Variants in WDR33 observed in about 807,000 individuals in gnomAD.
The protein encoded by WDR33 is pre-mRNA 3' end processing protein WDR33.
WDR33 carries 47 observed loss-of-function variants against 164.9 expected under a neutral mutation model. That is an observed-to-expected ratio of 0.29 (90% confidence interval 0.23 to 0.36). The LOEUF (loss-of-function observed/expected upper bound fraction) is 0.36, where lower values mean the gene tolerates loss of function less well. Ranked by LOEUF, WDR33 falls within the 10% of genes least tolerant of loss-of-function variation. The pLI is 1.00. For synonymous variants in WDR33, 505 were observed against 589.0 expected, an observed-to-expected ratio of 0.86 and a Z score of 2.06; for missense variants, 1,137 against 1,754.1, an observed-to-expected ratio of 0.65 and a Z score of 6.28.
chr2:127,708,798 G>A lies in WDR33; in HGVS notation c.3660C>T (p.Leu1220=), dbSNP rs763535178. ...GTAGGGATGCCATGTCCATGCCTTGGAGAGAAGAGGAGCGTTCTCTGCTGG... is the reference window on the plus strand; with the variant it reads ...GTAGGGATGCCATGTCCATGCCTTGAAGAGAAGAGGAGCGTTCTCTGCTGG... ...SPASRERSSS[L]QGMDMASLPP... The change falls in exon 21 of 22, where the codon CTC becomes CTT. Residue 1220 remains leucine, a synonymous_variant. Transcript: ENST00000322313. This position sits in a 1 kb window ranked among gnomAD's most constrained non-coding sequence, Gnocchi z 6.7. The A allele has an allele frequency of 1.9e-6, 3 of 1,613,752 alleles. No homozygotes were observed. The highest frequency in any genetic ancestry group is 2.2e-5 in the South Asian group (2 of 90,972).
At chr2:127,775,017 G>T (rs1222571180) in intron 1 of WDR33, among the ~76,000 whole-genome samples, 1 of 152,118 alleles carries the variant, frequency 6.6e-6, no homozygotes, top group Non-Finnish European at 1.5e-5. Context: ...AATTAAAATA[G>T]AATTTCCTTT....
At position 127,763,353 on chromosome 2, in the gene WDR33, G is replaced by A; in HGVS notation, c.627-194C>T. Reference sequence around the variant, plus strand: ...ATCAAAAGAAGACTTCAACAGAGCAGTTGTTTGAGTTTTCAATCATCAGTA... The same window carrying A: ...ATCAAAAGAAGACTTCAACAGAGCAATTGTTTGAGTTTTCAATCATCAGTA... On this transcript the variant is annotated intron_variant, in intron 6 of 21. Coordinates refer to ENST00000322313, the MANE Select transcript of WDR33 (RefSeq NM_018383.5). The surrounding 1 kb of genome is among the most constrained non-coding windows in gnomAD (Gnocchi z 4.5). The A allele has an allele frequency of 1.4e-6, 2 of 1,401,426 alleles. No homozygotes were observed. Among genetic ancestry groups the A allele is most frequent in the Non-Finnish European group, 1.9e-6 (2 of 1,078,430 alleles). 86.8% of individuals were successfully genotyped at this position (1,401,426 alleles called of 1,614,324 possible).
chr2:127,799,156 C>T (rs1273398752), intron 1 of WDR33, among the ~76,000 whole-genome samples: 2 of 152,052 alleles, frequency 1.3e-5, no homozygotes, highest in Non-Finnish European at 2.9e-5. Context: ...GCATTAAATA[C>T]AGAGAATACA....
chr2:127,776,445 T>C (rs1176343933), intron 1 of WDR33, among the ~76,000 whole-genome samples: 1 of 152,136 alleles, frequency 6.6e-6, no homozygotes, highest in Admixed American at 6.6e-5. Context: ...GACAGAAACA[T>C]TGAGCAATCA....
intron 1 of WDR33, among the ~76,000 whole-genome samples, chr2:127,776,112 A>G (rs1269591005): frequency 2.0e-5 from 3 of 152,140 alleles, no homozygotes; most frequent in Non-Finnish European, 4.4e-5. Context: ...TCACAATGTG[A>G]TTCTATTTAG....
At chr2:127,753,855 T>C (rs1372771161) in intron 7 of WDR33, among the ~76,000 whole-genome samples, 2 of 151,918 alleles carry the variant, frequency 1.3e-5, no homozygotes, top group African/African-American at 4.8e-5. Flanking sequence ...AATCACAAAA[T>C]GTAAAGAACA....
intron 7 of WDR33, among the ~76,000 whole-genome samples, chr2:127,751,485 A>G (rs1417965795): frequency 6.7e-6 from 1 of 149,814 alleles, no homozygotes; most frequent in Non-Finnish European, 1.5e-5. Flanking sequence ...CAGGAGTTTG[A>G]GGTTATGGTG....
chr2:127,702,317 G>T lies in WDR33; in HGVS notation c.*4006C>A. On this transcript the variant is annotated 3_prime_UTR_variant, in exon 22 of 22. Transcript: ENST00000322313. The stretch of plus-strand genomic sequence containing the variant: ...CTAACAGCCTGCGAGTCTAATCCGG[G>T]AGCGGCTGCTGCCAGCGGAGGCGAC... 1.1e-6 allele frequency: 1 copy of T among 921,756 alleles called. No homozygotes were observed. Among genetic ancestry groups the T allele is most frequent in the African/African-American group, 1.8e-5 (1 of 56,650 alleles). 57.1% of individuals were successfully genotyped at this position (921,756 alleles called of 1,614,324 possible).
chr2:127,776,862 G>T (rs1040877941), intron 1 of WDR33, among the ~76,000 whole-genome samples: 6 of 152,192 alleles, frequency 3.9e-5, no homozygotes, highest in Non-Finnish European at 7.3e-5. Flanking sequence ...ATACTCCAAA[G>T]ATCTAGATTT....
intron 1 of WDR33, among the ~76,000 whole-genome samples, chr2:127,775,265 T>C (rs1355856059): frequency 1.3e-5 from 2 of 152,224 alleles, no homozygotes; most frequent in African/African-American, 4.8e-5. Flanking sequence ...CCCAGCTCAC[T>C]GTAACCTCCG....
chr2:127,774,193 A>G (rs1164721792), intron 1 of WDR33, among the ~76,000 whole-genome samples: 2 of 151,588 alleles, frequency 1.3e-5, no homozygotes, highest in East Asian at 3.9e-4. Context: ...GTGGGATTAC[A>G]GGCATCTGCC....
rs1685872935 is a variant in WDR33, at chr2:127,701,390, C to A, written c.*4933G>T. On this transcript the variant is annotated 3_prime_UTR_variant, in exon 22 of 22. Coordinates refer to ENST00000322313, the MANE Select transcript of WDR33 (RefSeq NM_018383.5). Reference sequence around the variant, plus strand: ...ACACCACAAAAGTCCGCAGAGCAGGCACCGCGGCACTTCCGCGAGCGCCGC... The same window carrying A: ...ACACCACAAAAGTCCGCAGAGCAGGAACCGCGGCACTTCCGCGAGCGCCGC... The A allele has an allele frequency of 1.2e-6, 1 of 823,328 alleles. No individual in the cohort carries two copies. The highest frequency in any genetic ancestry group is 1.6e-6 in the Non-Finnish European group (1 of 618,872). The allele number at this position is 823,328 out of a possible 1,614,324, so 51.0% of individuals were successfully genotyped here. A position where few individuals can be genotyped will look rare whatever the true frequency, so the allele number is the denominator to read the frequency against.
At position 127,713,052 on chromosome 2, in the gene WDR33, T is replaced by TG. The variant is rs1356983817; in HGVS notation, c.3308+530dup. On this transcript the variant is annotated intron_variant, in intron 18 of 21. Coordinates refer to ENST00000322313, the MANE Select transcript of WDR33 (RefSeq NM_018383.5). The surrounding 1 kb of genome is among the most constrained non-coding windows in gnomAD (Gnocchi z 6.2). ...GATTACAGGCGTGAGCCACTGGTCC[T>TG]GGGCTAATTCCTGTTTCTTTCTCCA... Among the ~76,000 whole-genome samples, 14 of 152,226 alleles carry TG rather than the reference T, an allele frequency of 9.2e-5. No individual in the cohort carries two copies. Among genetic ancestry groups the TG allele is most frequent in the Non-Finnish European group, 1.6e-4 (11 of 68,040 alleles).
rs1686066773 is a variant in WDR33, at chr2:127,708,338, C to T, written c.3781+339G>A. ...CCCAGGAGAGGACAACTCTTCCCCT[C>T]CCACTGAGAGCCCTTGAGGGTTCCA... On this transcript the variant is annotated intron_variant, in intron 21 of 21. Coordinates refer to ENST00000322313, the MANE Select transcript of WDR33 (RefSeq NM_018383.5). The surrounding 1 kb of genome is among the most constrained non-coding windows in gnomAD (Gnocchi z 6.7). Among the ~76,000 whole-genome samples the T allele has an allele frequency of 1.3e-5, 2 of 152,242 alleles. No individual in the cohort carries two copies. Among genetic ancestry groups the T allele is most frequent in the African/African-American group, 4.8e-5 (2 of 41,470 alleles).
Position 127,758,362 on chromosome 2 carries a change from G to A in WDR33, c.724+4700C>T, listed in dbSNP as rs551870225. Among the ~76,000 whole-genome samples, 13 of 152,252 alleles carry A rather than the reference G, an allele frequency of 8.5e-5. No homozygotes were observed. In the South Asian group the frequency reaches 2.3e-3, roughly 27 times the overall value. On this transcript the variant is annotated intron_variant, in intron 7 of 21. Transcript: ENST00000322313. ...CAGCATGAATATTGGAGCCAAACAG[G>A]CTTCAAATCCTAGCCTCAACTCTTA... is the stretch of plus-strand genomic sequence containing the variant.
chr2:127,795,238 C>G (rs1053752962), intron 1 of WDR33, among the ~76,000 whole-genome samples: 4 of 151,380 alleles, frequency 2.6e-5, no homozygotes, highest in Admixed American at 1.3e-4. Context: ...GTAGCTGAGA[C>G]TACAGGCGTG....
In WDR33 at chr2:127,718,768, T is replaced by C. The variant is rs1054162479; in HGVS notation, c.2760+497A>G. 5.9e-5 allele frequency among the ~76,000 whole-genome samples: 9 copies of C among 152,198 alleles called. No homozygotes were observed. The highest frequency in any genetic ancestry group is 2.2e-4 in the African/African-American group (9 of 41,444). On this transcript the variant is annotated intron_variant, in intron 16 of 21. Transcript: ENST00000322313. The surrounding 1 kb of genome is among the most constrained non-coding windows in gnomAD (Gnocchi z 4.4). ...TAAACAGAGTGAGGTACAGAGTCTATAGTATACTCATGAGTTAAATATCCC... is the reference window on the plus strand; with the variant it reads ...TAAACAGAGTGAGGTACAGAGTCTACAGTATACTCATGAGTTAAATATCCC...
intron 1 of WDR33, among the ~76,000 whole-genome samples, chr2:127,799,951 C>T (rs1689179460): frequency 6.6e-6 from 1 of 152,090 alleles, no homozygotes; most frequent in African/African-American, 2.4e-5. Context: ...ACTGGGATGG[C>T]TATGGTCAAA....
Position 127,731,559 on chromosome 2 carries a change from C to T in WDR33, c.725-4782G>A, listed in dbSNP as rs1173573024. 3.3e-5 allele frequency among the ~76,000 whole-genome samples: 5 copies of T among 152,170 alleles called. No homozygotes were observed. In the East Asian group the frequency reaches 9.7e-4, roughly 29 times the overall value. ...TTTATGTACAAAGATATTTACTGCA[C>T]CTTGTTTGAATTGCCAAAACTGGAA... is the stretch of plus-strand genomic sequence containing the variant. On this transcript the variant is annotated intron_variant, in intron 7 of 21. Coordinates refer to ENST00000322313, the MANE Select transcript of WDR33 (RefSeq NM_018383.5).
Sources: allele counts gnomAD v4.1 joint callset (sites outside exome capture counted in the v4.1 genomes callset), GRCh38; gene constraint gnomAD v4.1.1; non-coding constraint Gnocchi (gnomAD v3.1); transcripts MANE v1.5; gene names NCBI Gene and HGNC (gene_info 2026-07-23, HGNC 2026-07-21).